The following NRXN1 variants were observed in gnomAD, a reference collection of about 807,000 sequenced individuals.
NRXN1 encodes the protein neurexin 1.
Under a neutral mutation model 150.9 loss-of-function variants are expected in NRXN1, and 39 were observed. The ratio of observed to expected loss-of-function variants is 0.26; its 90% CI spans 0.20 to 0.34. The LOEUF (loss-of-function observed/expected upper bound fraction) is 0.34. NRXN1 is among the 10% of genes least tolerant of loss of function. NRXN1 has a pLI of 1.00. For synonymous variants in NRXN1, 924 were observed against 757.0 expected (o/e 1.22, Z -3.62); for missense variants, 1,815 against 1,949.9 (o/e 0.93, Z 1.30).
At chr2:50,252,246 C>CTTTTTTTTTTTTTTTTTTTT (rs1559175117) in intron 17 of NRXN1, among the ~76,000 whole-genome samples, 1 of 54,116 alleles carries the variant, frequency 1.8e-5, no homozygotes, top group Non-Finnish European at 3.5e-5. Flanking sequence ...TTTTTTTTTT[C>CTTTTTTTTTTTTTTTTTTTT]TTTTTTCTTT....
intron 12 of NRXN1, among the ~76,000 whole-genome samples, chr2:50,510,816 T>G (rs993528581): frequency 6.6e-6 from 1 of 152,146 alleles, no homozygotes; most frequent in Admixed American, 6.5e-5. Context: ...GCAAGTAGTG[T>G]AAGAGGTACA....
chr2:50,658,411 G>GGTGTGTGTGTGTGTGTGT (rs58970263), intron 5 of NRXN1, among the ~76,000 whole-genome samples: 14,067 of 144,582 alleles, frequency 0.097, 858 homozygotes, highest in East Asian at 0.16. Flanking sequence ...TGCATTCACT[G>GGTGTGTGTGTGTGTGTGT]GTGTGTGTGT....
chr2:49,935,459 T>C (rs914814275), intron 22 of NRXN1, among the ~76,000 whole-genome samples: 7 of 152,172 alleles, frequency 4.6e-5, no homozygotes, highest in Non-Finnish European at 7.3e-5. Flanking sequence ...AAATGTAAAG[T>C]ATTCTGGTCT....
At chr2:50,140,906 G>GTATA (rs777640720) in intron 18 of NRXN1, among the ~76,000 whole-genome samples, 6 of 150,540 alleles carry the variant, frequency 4.0e-5, no homozygotes, top group African/African-American at 1.5e-4. Flanking sequence ...GTGTGTGTGT[G>GTATA]TATATATATA....
chr2:50,904,646 T>C (rs1683413148), intron 5 of NRXN1, among the ~76,000 whole-genome samples: 1 of 151,534 alleles, frequency 6.6e-6, no homozygotes, highest in Non-Finnish European at 1.5e-5. Flanking sequence ...ACAACCTGTC[T>C]GCATTAAATG....
intron 9 of NRXN1, among the ~76,000 whole-genome samples, chr2:50,544,584 T>G (rs933071598): frequency 6.6e-6 from 1 of 152,104 alleles, no homozygotes; most frequent in Admixed American, 6.5e-5. Context: ...TGACAAAAAT[T>G]TAAAAGTTTA....
intron 5 of NRXN1, among the ~76,000 whole-genome samples, chr2:50,630,654 T>C (rs567174825): frequency 5.3e-5 from 8 of 151,922 alleles, no homozygotes; most frequent in Admixed American, 1.3e-4. Context: ...CTTGATTATA[T>C]TGCTTTTCAT....
chr2:50,245,214 C>T (rs1483832436), intron 17 of NRXN1, among the ~76,000 whole-genome samples: 1 of 151,824 alleles, frequency 6.6e-6, no homozygotes, highest in East Asian at 1.9e-4. Flanking sequence ...AATTCAAAGT[C>T]CTGGGAACTG....
intron 5 of NRXN1, among the ~76,000 whole-genome samples, chr2:50,788,605 C>G (rs536182268): frequency 6.7e-6 from 1 of 149,256 alleles, no homozygotes; most frequent in African/African-American, 2.5e-5. Context: ...GAGAGAGAGA[C>G]AGAGAGAGAG....
At chr2:49,993,807 G>T (rs902595775) in intron 21 of NRXN1, among the ~76,000 whole-genome samples, 4 of 152,134 alleles carry the variant, frequency 2.6e-5, no homozygotes, top group Admixed American at 6.5e-5. Context: ...AAATCCAAAG[G>T]TTCTGAATTC....
At chr2:50,735,711 C>T (rs1016627733) in intron 5 of NRXN1, among the ~76,000 whole-genome samples, 1 of 152,122 alleles carries the variant, frequency 6.6e-6, no homozygotes, top group Non-Finnish European at 1.5e-5. Context: ...AAATGGCTCA[C>T]AAACACACAA....
chr2:50,536,505 T>C (rs1036172420), intron 10 of NRXN1, among the ~76,000 whole-genome samples: 3 of 152,210 alleles, frequency 2.0e-5, no homozygotes, highest in Non-Finnish European at 4.4e-5. Flanking sequence ...ATTTTTGCCA[T>C]AGGTAGTAGC....
At chr2:50,834,665 G>A (rs780986063) in intron 5 of NRXN1, among the ~76,000 whole-genome samples, 1 of 152,060 alleles carries the variant, frequency 6.6e-6, no homozygotes, top group African/African-American at 2.4e-5. Flanking sequence ...TTGATCCTCA[G>A]TTTACTCATT....
chr2:50,107,892 T>G (rs1284331944), intron 18 of NRXN1, among the ~76,000 whole-genome samples: 1 of 151,928 alleles, frequency 6.6e-6, no homozygotes, highest in Non-Finnish European at 1.5e-5. Flanking sequence ...AAATATTGAC[T>G]AAATTCTTAT....
chr2:50,004,732 T>C (rs1419795925), intron 21 of NRXN1, among the ~76,000 whole-genome samples: 4 of 152,158 alleles, frequency 2.6e-5, no homozygotes, highest in Non-Finnish European at 2.9e-5. Flanking sequence ...GTTGACACTG[T>C]GAGCTGTGGT....
chr2:50,505,383 G>A (rs78059672), intron 13 of NRXN1, among the ~76,000 whole-genome samples: 211 of 152,228 alleles, frequency 1.4e-3, no homozygotes, highest in African/African-American at 5.0e-3. Flanking sequence ...ATATTCAAGA[G>A]GCACTCAGAG....
chr2:49,940,956 A>C (rs1189091892), intron 22 of NRXN1, among the ~76,000 whole-genome samples: 1 of 152,138 alleles, frequency 6.6e-6, no homozygotes, highest in East Asian at 1.9e-4. Context: ...GACAAACTGA[A>C]AGAGAGGAGA....
intron 5 of NRXN1, among the ~76,000 whole-genome samples, chr2:50,903,496 TG>T (rs958573326): frequency 1.2e-4 from 18 of 152,000 alleles, no homozygotes; most frequent in African/African-American, 4.3e-4. Context: ...CTGGGGGAGG[TG>T]TTTTTTTGTT....
At chr2:51,000,382 C>T (rs1699876538) in intron 2 of NRXN1, among the ~76,000 whole-genome samples, 1 of 151,944 alleles carries the variant, frequency 6.6e-6, no homozygotes, top group Admixed American at 6.6e-5. Flanking sequence ...TGCCTTCCCA[C>T]CTGAATATAT....
Sources: allele counts gnomAD v4.1 joint callset (sites outside exome capture counted in the v4.1 genomes callset), GRCh38; gene constraint gnomAD v4.1.1; transcripts MANE v1.5; gene names NCBI Gene and HGNC (gene_info 2026-07-23, HGNC 2026-07-21).